The following F9 variants were observed in gnomAD, a reference collection of about 807,000 sequenced individuals.
The protein encoded by F9 is coagulation factor IX.
In F9, 2 loss-of-function variants were observed where a neutral mutation model predicts 34.1. The ratio of observed to expected loss-of-function variants is 0.06; its 90% CI spans 0.02 to 0.18. The LOEUF (loss-of-function observed/expected upper bound fraction) is 0.18, where lower values mean the gene tolerates loss of function less well. Ranked by LOEUF, F9 falls within the 10% of genes least tolerant of loss-of-function variation. F9 has a pLI of 1.00. For synonymous variants in F9, 137 were observed against 118.8 expected (o/e 1.15, Z -1.00); for missense variants, 216 against 345.1 (o/e 0.63, Z 2.96).
In F9 at chrX:139,550,957, C is replaced by A; in HGVS notation, c.521-105C>A. The stretch of plus-strand genomic sequence containing the variant: ...ATTTTTTTAAATACTGATGGGCCTG[C>A]TTCTCAGAAGTGACAAGGATGGGCC... On this transcript the variant is annotated intron_variant, in intron 5 of 7. Transcript: ENST00000218099. 6.1e-6 allele frequency: 4 copies of A among 659,382 alleles called. No individual in the cohort carries two copies. The South Asian group carries it at 1.1e-4, about 17-fold the overall frequency. The allele number at this position is 659,382 out of a possible 1,213,427, so 54.3% of individuals were successfully genotyped here. A position where few individuals can be genotyped will look rare whatever the true frequency, so the allele number is the denominator to read the frequency against.
At chrX:139,537,554 A>G (rs905402898) in intron 3 of F9, among the ~76,000 whole-genome samples, 168 bp downstream of exon 3, 10 of 111,545 alleles carry the variant, frequency 9.0e-5, no homozygotes, top group African/African-American at 3.3e-4. Flanking sequence ...GGGTTATGCC[A>G]GTGTGGGAAC....
chrX:139,545,318 G>A (rs4149758), intron 4 of F9, among the ~76,000 whole-genome samples: 5,045 of 111,805 alleles, frequency 0.045, 107 homozygotes, highest in Non-Finnish European at 0.073. Context: ...CTCAAGAGCA[G>A]AGCCTGTTTT....
intron 4 of F9, among the ~76,000 whole-genome samples, chrX:139,544,468 C>T (rs1927671159): frequency 9.0e-6 from 1 of 110,828 alleles, no homozygotes; most frequent in Admixed American, 9.7e-5. Flanking sequence ...CCCCTGGCAA[C>T]AGTTGATTTG....
chrX:139,535,655 A>T (rs1452804174), intron 1 of F9, among the ~76,000 whole-genome samples: 1 of 111,406 alleles, frequency 9.0e-6, no homozygotes, highest in Non-Finnish European at 1.9e-5. Context: ...ATATATTGCT[A>T]GACCCTTGAA....
intron 7 of F9, 69 bp from the exon 8 acceptor site, chrX:139,561,455 G>C: frequency 1.0e-6 from 1 of 958,455 alleles, no homozygotes; most frequent in Non-Finnish European, 1.5e-6. Flanking sequence ...GTGGTCCCAA[G>C]TAGTCACTTA....
Position 139,548,406 on chromosome X carries a change from T to C in F9, c.435T>C (p.Cys145=). ...AGAATGGCAGATGCGAGCAGTTTTG[T>C]AAAAATAGTGCTGATAACAAGGTGG... ...NIKNGRCEQF[C]KNSADNKVVC... Residue 145 remains cysteine, a synonymous_variant, in exon 5 of 8, where the codon TGT becomes TGC. Coordinates refer to ENST00000218099, the MANE Select transcript of F9 (RefSeq NM_000133.4). 8.3e-7 allele frequency: 1 copy of C among 1,210,902 alleles called. No homozygotes were observed. Among genetic ancestry groups the C allele is most frequent in the Non-Finnish European group, 1.1e-6 (1 of 894,762 alleles).
chrX:139,553,963 G>T (rs986540724), intron 6 of F9, among the ~76,000 whole-genome samples: 1 of 109,237 alleles, frequency 9.2e-6, no homozygotes, highest in African/African-American at 3.3e-5. Flanking sequence ...GGGTATAAAG[G>T]CTCAATTTAG....
intron 3 of F9, among the ~76,000 whole-genome samples, chrX:139,538,209 T>C (rs1927528503): frequency 8.9e-6 from 1 of 112,229 alleles, no homozygotes; most frequent in Admixed American, 9.5e-5. Flanking sequence ...ATTCAATTGT[T>C]TTGTTTATTG....
chrX:139,559,936 A>T (rs901913833), intron 6 of F9, among the ~76,000 whole-genome samples: 2 of 112,492 alleles, frequency 1.8e-5, no homozygotes, highest in Non-Finnish European at 1.9e-5. Context: ...CGATCTAGAC[A>T]TTGAGATGGA....
At chrX:139,548,233 C>T in intron 4 of F9, 130 bp from the exon 5 acceptor site, 2 of 679,737 alleles carry the variant, frequency 2.9e-6, no homozygotes, top group East Asian at 3.4e-5. Flanking sequence ...AATTTCTCTC[C>T]CCAACGTATA....
intron 6 of F9, among the ~76,000 whole-genome samples, chrX:139,553,916 G>A (rs1197000101): frequency 5.6e-5 from 6 of 106,781 alleles, no homozygotes; most frequent in African/African-American, 2.1e-4. Flanking sequence ...GAAATGAAAT[G>A]GCAAATACAT....
At chrX:139,545,383 T>C (rs1927693177) in intron 4 of F9, among the ~76,000 whole-genome samples, 1 of 111,767 alleles carries the variant, frequency 8.9e-6, no homozygotes. Context: ...CTTCCTGTTA[T>C]TGGTATTGCA....
At chrX:139,536,284 C>A (rs1278757072) in intron 1 of F9, among the ~76,000 whole-genome samples, 4 of 67,139 alleles carry the variant, frequency 6.0e-5, no homozygotes, top group Non-Finnish European at 1.4e-4. Flanking sequence ...TGTACACACA[C>A]ACACATAGAG....
intron 4 of F9, among the ~76,000 whole-genome samples, chrX:139,542,408 C>A (rs1927622445): frequency 8.9e-6 from 1 of 111,853 alleles, no homozygotes; most frequent in Admixed American, 9.5e-5. Context: ...CCTGGGTTAC[C>A]TTTCTTGAGA....
chrX:139,544,047 A>T (rs1017156692), intron 4 of F9, among the ~76,000 whole-genome samples: 5 of 111,817 alleles, frequency 4.5e-5, no homozygotes, highest in Non-Finnish European at 7.5e-5. Context: ...CAGCAGCAAC[A>T]TACTGAGCCC....
chrX:139,560,886 G>T, intron 7 of F9, 31 bp downstream of exon 7: 2 of 964,515 alleles, frequency 2.1e-6, no homozygotes, highest in South Asian at 3.9e-5. Context: ...ATAATCTGCA[G>T]CACCACTAGC....
intron 6 of F9, among the ~76,000 whole-genome samples, chrX:139,554,999 C>A (rs2148364457): frequency 8.9e-6 from 1 of 111,752 alleles, no homozygotes; most frequent in East Asian, 2.8e-4. Context: ...TTTGCAAGAG[C>A]CACAAGGGAA....
In F9 at chrX:139,561,850, A is replaced by T. The variant is rs778623966; in HGVS notation, c.1165A>T (p.Thr389Ser). 21 of 1,211,733 alleles carry T rather than the reference A, an allele frequency of 1.7e-5. No individual in the cohort carries two copies. Among genetic ancestry groups the T allele is most frequent in the Non-Finnish European group, 2.3e-5 (21 of 895,511 alleles). Residue 389 changes from threonine (T) to serine (S), a missense_variant, in exon 8 of 8, where the codon ACC becomes TCC. Physicochemically the swap from Thr to Ser is moderately conservative, Grantham distance 58. Coordinates refer to ENST00000218099, the MANE Select transcript of F9 (RefSeq NM_000133.4). ...RATCLRSTKFTIYNNMFCAGF... is the reference protein window; with the variant it reads ...RATCLRSTKFSIYNNMFCAGF... ...CACATGTCTTCGATCTACAAAGTTC[A>T]CCATCTATAACAACATGTTCTGTGC...
intron 6 of F9, among the ~76,000 whole-genome samples, chrX:139,559,980 G>A (rs886383479): frequency 8.9e-6 from 1 of 112,244 alleles, no homozygotes; most frequent in Non-Finnish European, 1.9e-5. Context: ...ATTATGCAAC[G>A]AATATCCAGT....
Sources: gnomAD v4.1 joint callset for allele counts (sites outside exome capture counted in the v4.1 genomes callset) on GRCh38, gnomAD v4.1.1 for gene constraint, MANE v1.5 for transcripts, NCBI Gene and HGNC (gene_info 2026-07-23, HGNC 2026-07-21) for gene names.